The following MAGI2 variants were observed in gnomAD, a reference collection of about 807,000 sequenced individuals.
The protein encoded by MAGI2 is membrane-associated guanylate kinase, WW and PDZ domain-containing protein 2.
MAGI2 carries 35 observed loss-of-function variants against 133.3 expected under a neutral mutation model. That is an observed-to-expected ratio of 0.26 (90% confidence interval 0.20 to 0.35). MAGI2 has a LOEUF of 0.35. Among genes scored for constraint, MAGI2 ranks in the 10% least tolerant of loss-of-function variants. The probability of loss-of-function intolerance (pLI) is 1.00; values close to 1 mark genes in which losing one functional copy is unlikely to be tolerated. For missense variants in MAGI2, 1,636 were observed against 1,863.4 expected (o/e 0.88, Z 2.25); for synonymous variants, 729 against 710.6 (o/e 1.03, Z -0.41).
At chr7:79,303,466 A>G (rs1837534892) in intron 1 of MAGI2, among the ~76,000 whole-genome samples, 2 of 152,352 alleles carry the variant, frequency 1.3e-5, no homozygotes, top group South Asian at 4.1e-4. Flanking sequence ...TTTGAAAACA[A>G]TCATCTGTGC....
chr7:78,644,341 A>T (rs1336007702), intron 2 of MAGI2, among the ~76,000 whole-genome samples: 1 of 152,114 alleles, frequency 6.6e-6, no homozygotes, highest in Non-Finnish European at 1.5e-5. Context: ...ACATTTATAG[A>T]ACACTTAACA....
intron 10 of MAGI2, among the ~76,000 whole-genome samples, chr7:78,234,874 G>A (rs1246387975): frequency 2.0e-5 from 3 of 151,986 alleles, no homozygotes; most frequent in African/African-American, 4.8e-5. Context: ...CATAAGCAAC[G>A]AACACTCCAA....
intron 2 of MAGI2, among the ~76,000 whole-genome samples, chr7:79,000,776 GT>G (rs1180539921): frequency 1.3e-5 from 2 of 152,152 alleles, no homozygotes; most frequent in African/African-American, 4.8e-5. Context: ...TTTTTAGTGT[GT>G]TTTAGTTTTA....
At chr7:79,180,854 T>C (rs1397243596) in intron 1 of MAGI2, among the ~76,000 whole-genome samples, 1 of 151,960 alleles carries the variant, frequency 6.6e-6, no homozygotes, top group Non-Finnish European at 1.5e-5. Flanking sequence ...ATATGCCAAT[T>C]TGGAGAAATT....
In MAGI2 at chr7:78,376,661, G is replaced by A. The variant is rs188443615; in HGVS notation, c.1046-7448C>T. ...AACAATTTTCTTGGCAGCTATTGAT[G>A]TATGAAAAAATATATAGTCAATAGT... On this transcript the variant is annotated intron_variant, in intron 6 of 21. Coordinates refer to ENST00000354212, the MANE Select transcript of MAGI2 (RefSeq NM_012301.4). Among the ~76,000 whole-genome samples, 10 of 152,148 alleles carry A rather than the reference G, an allele frequency of 6.6e-5. No individual in the cohort carries two copies. In the East Asian group the frequency reaches 1.7e-3, roughly 26 times the overall value.
intron 3 of MAGI2, among the ~76,000 whole-genome samples, chr7:78,587,163 T>C (rs1394293838): frequency 6.6e-6 from 1 of 152,202 alleles, no homozygotes; most frequent in Admixed American, 6.5e-5. Flanking sequence ...TATACTGTTT[T>C]CCATAGCAGC....
At chr7:78,619,795 C>T (rs1188684873) in intron 3 of MAGI2, among the ~76,000 whole-genome samples, 1 of 151,844 alleles carries the variant, frequency 6.6e-6, no homozygotes, top group African/African-American at 2.4e-5. Flanking sequence ...AAAATTCTGG[C>T]ATTATAAAAC....
intron 1 of MAGI2, among the ~76,000 whole-genome samples, chr7:79,422,794 C>A (rs1177731546): frequency 6.6e-6 from 1 of 151,948 alleles, no homozygotes; most frequent in African/African-American, 2.4e-5. Context: ...AGTCAGAAAC[C>A]AAACTTGGAA....
intron 1 of MAGI2, among the ~76,000 whole-genome samples, chr7:79,317,516 T>C (rs1179233478): frequency 6.6e-6 from 1 of 152,132 alleles, no homozygotes; most frequent in African/African-American, 2.4e-5. Flanking sequence ...ACAGGTGAAG[T>C]TAATATTAAT....
At chr7:79,138,879 C>G (rs531831439) in intron 1 of MAGI2, among the ~76,000 whole-genome samples, 145 of 150,934 alleles carry the variant, frequency 9.6e-4, no homozygotes, top group Middle Eastern at 3.4e-3. Context: ...GGTGGTTGGC[C>G]CCTGTAGAAT....
intron 9 of MAGI2, among the ~76,000 whole-genome samples, chr7:78,278,117 C>T (rs1215193483): frequency 6.6e-6 from 1 of 152,128 alleles, no homozygotes; most frequent in African/African-American, 2.4e-5. Context: ...AAACTCACAT[C>T]ATTATTTCAG....
chr7:79,203,029 C>T (rs149480730), intron 1 of MAGI2, among the ~76,000 whole-genome samples: 1 of 152,144 alleles, frequency 6.6e-6, no homozygotes, highest in Non-Finnish European at 1.5e-5. Context: ...TTTTGCCCAA[C>T]ATCTTTCCAT....
chr7:78,784,419 C>A (rs2151349820), intron 2 of MAGI2, among the ~76,000 whole-genome samples: 1 of 152,242 alleles, frequency 6.6e-6, no homozygotes, highest in East Asian at 1.9e-4. Flanking sequence ...TTCCTCCAAG[C>A]AGGTCATAGA....
chr7:79,147,743 C>G (rs1166187425), intron 1 of MAGI2, among the ~76,000 whole-genome samples: 1 of 152,060 alleles, frequency 6.6e-6, no homozygotes, highest in Non-Finnish European at 1.5e-5. Flanking sequence ...TCTCTTGCCC[C>G]AGGGAATGGA....
At chr7:79,041,331 C>T (rs1201368696) in intron 1 of MAGI2, among the ~76,000 whole-genome samples, 1 of 152,050 alleles carries the variant, frequency 6.6e-6, no homozygotes, top group African/African-American at 2.4e-5. Flanking sequence ...CTATGAGGAC[C>T]TTTGATAGAA....
At chr7:78,473,933 G>A (rs1584300388) in intron 6 of MAGI2, among the ~76,000 whole-genome samples, 1 of 151,972 alleles carries the variant, frequency 6.6e-6, no homozygotes, top group Non-Finnish European at 1.5e-5. Flanking sequence ...TATAAAAAGT[G>A]AACTAGCCAT....
intron 2 of MAGI2, among the ~76,000 whole-genome samples, chr7:78,879,646 C>T (rs1468616384): frequency 1.3e-5 from 2 of 151,800 alleles, no homozygotes; most frequent in African/African-American, 2.4e-5. Context: ...TGAGAAGGAG[C>T]CAGCACAAGA....
At chr7:78,908,186 A>G (rs1177492676) in intron 2 of MAGI2, among the ~76,000 whole-genome samples, 4 of 152,314 alleles carry the variant, frequency 2.6e-5, no homozygotes, top group Admixed American at 6.5e-5. Context: ...GGGCTATGCC[A>G]TAGTTCCCAA....
At chr7:79,171,283 T>C (rs1780353145) in intron 1 of MAGI2, among the ~76,000 whole-genome samples, 1 of 152,204 alleles carries the variant, frequency 6.6e-6, no homozygotes, top group Middle Eastern at 3.4e-3. Context: ...ATAACTTCAG[T>C]CTTCACAGGG....
Sources: gnomAD v4.1 joint callset for allele counts (sites outside exome capture counted in the v4.1 genomes callset) on GRCh38, gnomAD v4.1.1 for gene constraint, MANE v1.5 for transcripts, NCBI Gene and HGNC (gene_info 2026-07-23, HGNC 2026-07-21) for gene names.